The following FARS2 variants were observed in gnomAD, a reference collection of about 807,000 sequenced individuals.
FARS2 encodes the protein phenylalanyl-tRNA synthetase 2, mitochondrial.
A neutral mutation model predicts 46.4 loss-of-function variants in FARS2; 40 were observed. The ratio of observed to expected loss-of-function variants is 0.86; its 90% CI spans 0.67 to 1.12. FARS2 has a LOEUF of 1.12. Among genes scored for constraint, FARS2 ranks in the 50% most tolerant of loss-of-function variants. FARS2 has a pLI of 0.00. For synonymous variants in FARS2, 234 were observed against 214.9 expected, an observed-to-expected ratio of 1.09 and a Z score of -0.78; for missense variants, 513 against 567.9, an observed-to-expected ratio of 0.90 and a Z score of 0.98.
At chr6:5,646,948 T>C (rs1777111693) in intron 6 of FARS2, among the ~76,000 whole-genome samples, 1 of 152,160 alleles carries the variant, frequency 6.6e-6, no homozygotes, top group African/African-American at 2.4e-5. Context: ...CTTGTAAAGA[T>C]TTTCATCAGA....
chr6:5,610,696 G>A (rs1382148054), intron 5 of FARS2, among the ~76,000 whole-genome samples: 1 of 152,190 alleles, frequency 6.6e-6, no homozygotes, highest in Non-Finnish European at 1.5e-5. Flanking sequence ...TCATCCTTCT[G>A]TTAAGAAAAG....
intron 1 of FARS2, among the ~76,000 whole-genome samples, chr6:5,304,139 G>A (rs557455291): frequency 7.2e-5 from 11 of 152,132 alleles, no homozygotes; most frequent in African/African-American, 2.4e-4. Flanking sequence ...AAAAAGCTTA[G>A]AAATAAAGAA....
chr6:5,464,925 A>C (rs2150308661), intron 4 of FARS2, among the ~76,000 whole-genome samples: 1 of 152,326 alleles, frequency 6.6e-6, no homozygotes, highest in East Asian at 1.9e-4. Flanking sequence ...GTGTCCTTGA[A>C]GAGAACAACT....
chr6:5,627,612 C>A (rs61089791), intron 6 of FARS2, among the ~76,000 whole-genome samples: 4 of 152,184 alleles, frequency 2.6e-5, no homozygotes, highest in African/African-American at 9.7e-5. Flanking sequence ...GCCACATTGC[C>A]TGGTGTTTAT....
chr6:5,739,447 G>A (rs973933589), intron 6 of FARS2, among the ~76,000 whole-genome samples: 1 of 152,142 alleles, frequency 6.6e-6, no homozygotes, highest in Non-Finnish European at 1.5e-5. Flanking sequence ...TTATTCCTGG[G>A]AAGCAATAAT....
intron 2 of FARS2, among the ~76,000 whole-genome samples, chr6:5,395,408 G>T (rs1286968034): frequency 2.0e-5 from 3 of 152,070 alleles, no homozygotes; most frequent in African/African-American, 7.2e-5. Flanking sequence ...TACCAAACTA[G>T]ATCAGGTAAC....
chr6:5,443,577 G>A (rs1300525031), intron 4 of FARS2, among the ~76,000 whole-genome samples: 2 of 152,178 alleles, frequency 1.3e-5, no homozygotes, highest in Non-Finnish European at 2.9e-5. Flanking sequence ...AGGTGAACAT[G>A]CCCTGTGTAG....
chr6:5,484,628 T>G (rs1311368524), intron 4 of FARS2, among the ~76,000 whole-genome samples: 1 of 152,212 alleles, frequency 6.6e-6, no homozygotes, highest in Non-Finnish European at 1.5e-5. Context: ...ACGTGTAACC[T>G]CTGGGAAACC....
chr6:5,317,426 A>G (rs908814014), intron 1 of FARS2, among the ~76,000 whole-genome samples: 1 of 152,186 alleles, frequency 6.6e-6, no homozygotes, highest in East Asian at 1.9e-4. Context: ...AAAAAGGGGA[A>G]GCACACAAGT....
chr6:5,702,115 A>G (rs1758479156), intron 6 of FARS2, among the ~76,000 whole-genome samples: 1 of 152,200 alleles, frequency 6.6e-6, no homozygotes, highest in South Asian at 2.1e-4. Context: ...CCAGATGGAA[A>G]CTTTGGTGTA....
intron 5 of FARS2, among the ~76,000 whole-genome samples, chr6:5,569,020 G>T (rs971790911): frequency 1.3e-5 from 2 of 151,930 alleles, no homozygotes; most frequent in Admixed American, 6.6e-5. Context: ...TTTGAGACTT[G>T]CAGGGGCACT....
At chr6:5,406,081 A>G (rs1231276972) in intron 3 of FARS2, among the ~76,000 whole-genome samples, 7 of 152,134 alleles carry the variant, frequency 4.6e-5, no homozygotes. Context: ...CGATATAAAG[A>G]GAAGGTTAGT....
chr6:5,392,735 TACACACACACAC>T (rs10526282), intron 2 of FARS2, among the ~76,000 whole-genome samples: 31,948 of 142,228 alleles, frequency 0.22, 3,974 homozygotes, highest in Middle Eastern at 0.3. Flanking sequence ...TATATATATA[TACACACACACAC>T]ACACACACAC....
rs1278406053 is a variant in FARS2, at chr6:5,471,484, A to C, written c.904+40312A>C. On this transcript the variant is annotated intron_variant, in intron 4 of 6. Transcript: ENST00000274680. The surrounding 1 kb of genome is among the most constrained non-coding windows in gnomAD (Gnocchi z 4.1). ...AGGACTTTTAATTTCCTCTTGAATA[A>C]TTCCTTTAATGAAGGACATATGAGA... 6.6e-6 allele frequency among the ~76,000 whole-genome samples: 1 copy of C among 152,218 alleles called. No individual in the cohort carries two copies. The highest frequency in any genetic ancestry group is 1.5e-5 in the Non-Finnish European group (1 of 68,036).
chr6:5,661,564 G>A (rs1347287509), intron 6 of FARS2, among the ~76,000 whole-genome samples: 1 of 152,158 alleles, frequency 6.6e-6, no homozygotes, highest in Admixed American at 6.5e-5. Flanking sequence ...GTGAGTGCTG[G>A]AAGCCAGGGT....
At chr6:5,715,418 G>A (rs534919046) in intron 6 of FARS2, among the ~76,000 whole-genome samples, 22 of 152,074 alleles carry the variant, frequency 1.4e-4, no homozygotes, top group Non-Finnish European at 2.4e-4. Flanking sequence ...TCATGACCCC[G>A]AAAGAAACCC....
At chr6:5,414,042 C>G (rs919825761) in intron 3 of FARS2, among the ~76,000 whole-genome samples, 1 of 152,150 alleles carries the variant, frequency 6.6e-6, no homozygotes, top group Non-Finnish European at 1.5e-5. Flanking sequence ...CAAACAACTA[C>G]CATTATTTGA....
chr6:5,559,464 C>T (rs1771867286), intron 5 of FARS2, among the ~76,000 whole-genome samples: 1 of 152,126 alleles, frequency 6.6e-6, no homozygotes, highest in South Asian at 2.1e-4. Flanking sequence ...ACCTACGTCT[C>T]CCTGATTTCA....
chr6:5,617,118 TA>T (rs144247116), intron 6 of FARS2, among the ~76,000 whole-genome samples: 40 of 151,484 alleles, frequency 2.6e-4, no homozygotes, highest in African/African-American at 7.7e-4. Flanking sequence ...GACACCCCAT[TA>T]AAAAAAATCA....
Sources: gnomAD v4.1 joint callset for allele counts (sites outside exome capture counted in the v4.1 genomes callset) on GRCh38, gnomAD v4.1.1 for gene constraint, Gnocchi (gnomAD v3.1) non-coding constraint, MANE v1.5 for transcripts, NCBI Gene and HGNC (gene_info 2026-07-23, HGNC 2026-07-21) for gene names.